RANBP17: variants seen among roughly 807,000 people sequenced by gnomAD.
RANBP17 encodes the protein ran-binding protein 17.
Under a neutral mutation model 141.2 loss-of-function variants are expected in RANBP17, and 158 were observed. That is an observed-to-expected ratio of 1.12 (90% CI 0.98 to 1.28). The LOEUF (loss-of-function observed/expected upper bound fraction) is 1.28, where lower values mean the gene tolerates loss of function less well. Ranked by LOEUF, RANBP17 falls within the 50% of genes most tolerant of loss-of-function variation. The pLI, the probability that RANBP17 is intolerant of heterozygous loss-of-function variation, is 0.00. For synonymous variants in RANBP17, 430 were observed against 450.0 expected (o/e 0.96, Z 0.56); for missense variants, 1,438 against 1,290.7 (o/e 1.11, Z -1.75).
At chr5:171,003,858 A>G (rs1376621238) in intron 14 of RANBP17, among the ~76,000 whole-genome samples, 2 of 152,184 alleles carry the variant, frequency 1.3e-5, no homozygotes, top group East Asian at 1.9e-4. Context: ...GTAGGGGAAT[A>G]GTGCAAAAAG....
intron 1 of RANBP17, among the ~76,000 whole-genome samples, chr5:170,863,912 A>G (rs1305697878): frequency 6.6e-6 from 1 of 152,222 alleles, no homozygotes; most frequent in African/African-American, 2.4e-5. Context: ...TGGACAAATA[A>G]AAGATCAGAC....
At chr5:171,279,681 C>A (rs961730883) in intron 25 of RANBP17, among the ~76,000 whole-genome samples, 9 of 152,108 alleles carry the variant, frequency 5.9e-5, no homozygotes, top group African/African-American at 2.2e-4. Context: ...CTCACAATAA[C>A]CCTAACAGGG....
At chr5:171,060,554 A>C (rs1783752170) in intron 14 of RANBP17, among the ~76,000 whole-genome samples, 1 of 152,086 alleles carries the variant, frequency 6.6e-6, no homozygotes, top group East Asian at 1.9e-4. Context: ...GTGGTGCTGG[A>C]TTCGGTTTGT....
intron 1 of RANBP17, among the ~76,000 whole-genome samples, chr5:170,869,047 TA>T (rs915972430): frequency 2.6e-5 from 4 of 152,162 alleles, no homozygotes; most frequent in African/African-American, 9.7e-5. Flanking sequence ...GAGTCTTTTG[TA>T]AAAGAAAATT....
rs573929526 is a variant in RANBP17, at chr5:171,057,524, G to T, written c.1710+89147G>T. On this transcript the variant is annotated intron_variant, in intron 14 of 27. Transcript: ENST00000523189. Reference sequence around the variant, plus strand: ...AGCTTCATAGTACTCCATTTTGTGTGGATATCATAGGGTATTTTACCCCCC... The same window carrying T: ...AGCTTCATAGTACTCCATTTTGTGTTGATATCATAGGGTATTTTACCCCCC... Among the ~76,000 whole-genome samples, 65 of 152,034 alleles carry T rather than the reference G, an allele frequency of 4.3e-4. 1 individual carries two copies. Among genetic ancestry groups the T allele is most frequent in the Admixed American group, 1.1e-3 (17 of 15,256 alleles).
At chr5:170,877,135 G>A (rs1482942943) in intron 1 of RANBP17, among the ~76,000 whole-genome samples, 4 of 152,038 alleles carry the variant, frequency 2.6e-5, no homozygotes, top group Non-Finnish European at 1.5e-5. Context: ...CTTTATGCTT[G>A]TAAAATAGGA....
At position 171,295,889 on chromosome 5, in the gene RANBP17, T is replaced by C; in HGVS notation, c.3045T>C (p.Tyr1015=). 4 of 1,612,882 alleles carry C rather than the reference T, an allele frequency of 2.5e-6. No homozygotes were observed. Among genetic ancestry groups the C allele is most frequent in the Non-Finnish European group, 3.4e-6 (4 of 1,179,248 alleles). ...LLGLILLNEK[Y]FSELRASLIN... is the part of the protein sequence containing the mutation. ...GACACTATTCTGTCTCCCATCAGTA[T>C]TTCAGTGAACTGAGAGCAAGTTTGA... Residue 1015 remains tyrosine, a splice_region_variant and synonymous_variant, in exon 27 of 28, where the codon TAT becomes TAC. Transcript: ENST00000523189.
intron 14 of RANBP17, among the ~76,000 whole-genome samples, chr5:171,002,901 A>G (rs1477467344): frequency 6.6e-6 from 1 of 152,158 alleles, no homozygotes; most frequent in African/African-American, 2.4e-5. Context: ...GCCGGATTGA[A>G]GTCTGGGTCA....
intron 22 of RANBP17, among the ~76,000 whole-genome samples, chr5:171,229,398 GT>G (rs1018001730): frequency 2.0e-5 from 3 of 151,694 alleles, no homozygotes; most frequent in African/African-American, 4.8e-5. Context: ...CTTTTTTGTT[GT>G]TTTTTTTGTT....
chr5:170,954,990 T>C (rs1219729815), intron 13 of RANBP17, among the ~76,000 whole-genome samples: 1 of 152,090 alleles, frequency 6.6e-6, no homozygotes, highest in Non-Finnish European at 1.5e-5. Flanking sequence ...AGCAGGGACA[T>C]AGATTCTCAT....
intron 14 of RANBP17, among the ~76,000 whole-genome samples, chr5:171,075,868 G>T (rs180783531): frequency 6.6e-6 from 1 of 151,984 alleles, no homozygotes; most frequent in East Asian, 1.9e-4. Context: ...CATGAGAATC[G>T]CTTGAACCTA....
intron 14 of RANBP17, among the ~76,000 whole-genome samples, chr5:171,084,130 G>T (rs1215885781): frequency 1.3e-4 from 15 of 112,840 alleles, no homozygotes; most frequent in African/African-American, 4.6e-4. Context: ...CCCCACCACA[G>T]TCCCCAGAGT....
chr5:170,951,529 G>A (rs953734775), intron 12 of RANBP17, among the ~76,000 whole-genome samples: 2 of 152,124 alleles, frequency 1.3e-5, no homozygotes, highest in African/African-American at 4.8e-5. Context: ...TATATGAATT[G>A]CCCAGAATGG....
chr5:170,956,260 G>T (rs1775684515), intron 13 of RANBP17, among the ~76,000 whole-genome samples: 1 of 151,596 alleles, frequency 6.6e-6, no homozygotes, highest in African/African-American at 2.4e-5. Flanking sequence ...CCCTATTAAA[G>T]ACCTTAAAAT....
chr5:171,025,603 A>T (rs1162083938), intron 14 of RANBP17, among the ~76,000 whole-genome samples: 5 of 147,528 alleles, frequency 3.4e-5, no homozygotes, highest in African/African-American at 1.3e-4. Flanking sequence ...TTTGAGACAG[A>T]ATATCACTGT....
At chr5:171,156,525 T>C (rs1758911334) in intron 14 of RANBP17, among the ~76,000 whole-genome samples, 1 of 152,134 alleles carries the variant, frequency 6.6e-6, no homozygotes, top group Non-Finnish European at 1.5e-5. Flanking sequence ...CTATATTTTT[T>C]TTCCTATTAG....
At chr5:171,250,802 A>AAT (rs2128003572) in intron 24 of RANBP17, among the ~76,000 whole-genome samples, 1 of 152,342 alleles carries the variant, frequency 6.6e-6, no homozygotes, top group Non-Finnish European at 1.5e-5. Flanking sequence ...AGCAGTTCTA[A>AAT]ATATGTATGT....
chr5:171,047,932 A>G (rs2127646682), intron 14 of RANBP17, among the ~76,000 whole-genome samples: 1 of 152,266 alleles, frequency 6.6e-6, no homozygotes, highest in South Asian at 2.1e-4. Flanking sequence ...TTGATATCAT[A>G]TCTGAGAAAT....
At chr5:171,024,476 A>G (rs1278826866) in intron 14 of RANBP17, among the ~76,000 whole-genome samples, 1 of 152,186 alleles carries the variant, frequency 6.6e-6, no homozygotes, top group African/African-American at 2.4e-5. Flanking sequence ...AATATTTACT[A>G]TCTGGTCTTT....
Sources: allele counts gnomAD v4.1 joint callset (sites outside exome capture counted in the v4.1 genomes callset), GRCh38; gene constraint gnomAD v4.1.1; transcripts MANE v1.5; gene names NCBI Gene and HGNC (gene_info 2026-07-23, HGNC 2026-07-21).